The following SPAST variants were observed in gnomAD, a reference collection of about 807,000 sequenced individuals.
SPAST encodes the protein spastin, also known as spastic paraplegia 4 (autosomal dominant; spastin).
Under a neutral mutation model 76.6 loss-of-function variants are expected in SPAST, and 30 were observed. That is an observed-to-expected ratio of 0.39 (90% confidence interval 0.29 to 0.53). The LOEUF is 0.53. Ranked by LOEUF, SPAST falls within the 20% of genes least tolerant of loss-of-function variation. SPAST has a pLI of 0.68. For missense variants in SPAST, 717 were observed against 770.5 expected, an observed-to-expected ratio of 0.93 and a Z score of 0.82; for synonymous variants, 305 against 281.0, an observed-to-expected ratio of 1.09 and a Z score of -0.86.
At chr2:32,080,913 G>C (rs1319156800) in intron 1 of SPAST, among the ~76,000 whole-genome samples, 1 of 145,074 alleles carries the variant, frequency 6.9e-6, no homozygotes, top group Non-Finnish European at 1.5e-5. Context: ...TCCTGCCTCA[G>C]CCTCCAGAGT....
rs148550054 is a variant in SPAST at position 32,131,939 on chromosome 2, G to A, written c.1245+3460G>A. On this transcript the variant is annotated intron_variant, in intron 9 of 16. Transcript: ENST00000315285. ...CCTCCCAAAGTGCTGGATTATAGGC[G>A]TAAGCCACCACACCCGGCCTACAGC... Among the ~76,000 whole-genome samples the A allele has an allele frequency of 8.9e-3, 1,358 of 151,890 alleles. 23 individuals are homozygous for A. The highest frequency in any genetic ancestry group is 0.049 in the South Asian group (237 of 4,814).
chr2:32,109,595 T>C (rs1678455152), intron 4 of SPAST, among the ~76,000 whole-genome samples: 1 of 151,626 alleles, frequency 6.6e-6, no homozygotes, highest in South Asian at 2.1e-4. Flanking sequence ...TCCTTTTTTT[T>C]TTCTATCAGT....
chr2:32,106,159 G>A (rs999304009), intron 4 of SPAST, among the ~76,000 whole-genome samples: 1 of 152,152 alleles, frequency 6.6e-6, no homozygotes, highest in African/African-American at 2.4e-5. Context: ...CCTCAGCAAT[G>A]GCAGATGCCC....
intron 12 of SPAST, among the ~76,000 whole-genome samples, chr2:32,141,647 T>A (rs531158262): frequency 8.5e-5 from 13 of 152,390 alleles, no homozygotes; most frequent in Non-Finnish European, 1.8e-4. Flanking sequence ...TTATATCAGA[T>A]ATTTTGTTTG....
intron 4 of SPAST, among the ~76,000 whole-genome samples, chr2:32,113,689 C>T (rs371062496): frequency 4.2e-4 from 63 of 150,806 alleles, no homozygotes; most frequent in African/African-American, 1.5e-3. Context: ...CCTCAGCCTC[C>T]GAAGTAGCTG....
Position 32,063,995 on chromosome 2 carries a change from AC to A in SPAST, c.167del (p.Pro56ArgfsTer4). On this transcript the variant is annotated frameshift_variant, in exon 1 of 17. Coordinates refer to ENST00000315285, the MANE Select transcript of SPAST (RefSeq NM_014946.4). LOFTEE classifies it high-confidence loss of function. ...PHKRNLYYFS[Y>X]PLFVGFALLR... Reference sequence around the variant, plus strand: ...AAGCGGAACCTGTACTATTTCTCCTACCCGCTGTTTGTAGGCTTCGCGCTGC... The same window carrying A: ...AAGCGGAACCTGTACTATTTCTCCTACCGCTGTTTGTAGGCTTCGCGCTGC... 1 of 1,613,062 alleles carries A rather than the reference AC, an allele frequency of 6.2e-7. No individual in the cohort carries two copies.
At chr2:32,127,464 G>T in intron 8 of SPAST, 1 of 179,448 alleles carries the variant, frequency 5.6e-6, no homozygotes, top group Non-Finnish European at 1.2e-5. Flanking sequence ...AGAAGTAGAT[G>T]GAAAACCATG....
intron 16 of SPAST, among the ~76,000 whole-genome samples, chr2:32,149,823 T>C (rs985418037): frequency 1.3e-5 from 2 of 152,216 alleles, no homozygotes; most frequent in African/African-American, 4.8e-5. Context: ...GTTTGCGGAT[T>C]TTGCTATCTA....
intron 4 of SPAST, among the ~76,000 whole-genome samples, chr2:32,102,769 C>G (rs951160985): frequency 7.3e-5 from 10 of 137,644 alleles, no homozygotes; most frequent in African/African-American, 2.5e-4. Context: ...TGATGGATTA[C>G]GTTTATTGAT....
chr2:32,098,087 C>T (rs987888583), intron 3 of SPAST, among the ~76,000 whole-genome samples: 10 of 152,100 alleles, frequency 6.6e-5, no homozygotes, highest in Admixed American at 5.2e-4. Context: ...TTGTACCATG[C>T]AGTCTTTTAA....
At chr2:32,112,213 A>G (rs920344336) in intron 4 of SPAST, among the ~76,000 whole-genome samples, 3 of 151,970 alleles carry the variant, frequency 2.0e-5, no homozygotes, top group Admixed American at 6.6e-5. Context: ...TTGGCCTCCC[A>G]AAGCGCTAGG....
At chr2:32,112,510 G>T (rs1288720219) in intron 4 of SPAST, among the ~76,000 whole-genome samples, 1 of 151,982 alleles carries the variant, frequency 6.6e-6, no homozygotes, top group African/African-American at 2.4e-5. Context: ...ACCACACCTG[G>T]CTAATTTTTG....
chr2:32,139,245 G>T (rs1679640036), intron 12 of SPAST, among the ~76,000 whole-genome samples: 1 of 152,084 alleles, frequency 6.6e-6, no homozygotes, highest in Admixed American at 6.6e-5. Context: ...ATTGCTTTGG[G>T]CAGTATAGTC....
intron 4 of SPAST, 68 bp from the exon 5 acceptor site, chr2:32,114,570 A>T: frequency 8.1e-7 from 1 of 1,240,314 alleles, no homozygotes; most frequent in East Asian, 2.3e-5. Context: ...TGGTTTTACA[A>T]ATGTTTGCTT....
At chr2:32,104,027 G>A (rs1029454824) in intron 4 of SPAST, among the ~76,000 whole-genome samples, 5 of 151,740 alleles carry the variant, frequency 3.3e-5, no homozygotes, top group Admixed American at 2.6e-4. Context: ...CTGTCTTGTT[G>A]ATCTGTCTAA....
intron 1 of SPAST, among the ~76,000 whole-genome samples, chr2:32,084,766 A>C (rs1677402508): frequency 6.6e-6 from 1 of 151,480 alleles, no homozygotes; most frequent in Non-Finnish European, 1.5e-5. Flanking sequence ...GCACACCTGT[A>C]ATCCCAGCTA....
chr2:32,139,873 T>C (rs1573161347), intron 12 of SPAST, among the ~76,000 whole-genome samples: 1 of 136,934 alleles, frequency 7.3e-6, no homozygotes, highest in African/African-American at 2.7e-5. Context: ...GACAATGGAG[T>C]ACCTAGGAAT....
chr2:32,126,314 A>C (rs1005768759), intron 7 of SPAST, among the ~76,000 whole-genome samples: 10 of 151,922 alleles, frequency 6.6e-5, no homozygotes, highest in Non-Finnish European at 1.2e-4. Flanking sequence ...CATTGTGTTA[A>C]TCTCCTTTTC....
chr2:32,117,274 A>C (rs148953003), intron 7 of SPAST, among the ~76,000 whole-genome samples: 1 of 151,986 alleles, frequency 6.6e-6, no homozygotes, highest in African/African-American at 2.4e-5. Context: ...AAAAATTTAA[A>C]AAGATAAATA....
Sources: gnomAD v4.1 joint callset for allele counts (sites outside exome capture counted in the v4.1 genomes callset) on GRCh38, gnomAD v4.1.1 for gene constraint, MANE v1.5 for transcripts, NCBI Gene and HGNC (gene_info 2026-07-23, HGNC 2026-07-21) for gene names.